Variants in TBCK observed in about 807,000 individuals in gnomAD.
TBCK encodes TBC1 domain containing kinase.
In TBCK, 99 loss-of-function variants were observed where a neutral mutation model predicts 113.4. The observed-to-expected ratio is 0.87, with a 90% CI of 0.74 to 1.03. TBCK has a LOEUF of 1.03. TBCK is among the 50% of genes least tolerant of loss of function. The pLI is 0.00. For missense variants in TBCK, 1,045 were observed against 1,061.3 expected (o/e 0.98, Z 0.21); for synonymous variants, 369 against 370.8 (o/e 1.00, Z 0.05).
intron 3 of TBCK, among the ~76,000 whole-genome samples, chr4:106,286,741 C>T (rs1420862319): frequency 1.3e-5 from 2 of 152,022 alleles, no homozygotes; most frequent in South Asian, 2.1e-4. Context: ...GTGGAAGGAT[C>T]GCTTGAGCCC....
At chr4:106,265,292 A>G (rs1762891624) in intron 3 of TBCK, among the ~76,000 whole-genome samples, 1 of 151,954 alleles carries the variant, frequency 6.6e-6, no homozygotes, top group African/African-American at 2.4e-5. Flanking sequence ...TATGAGGTAC[A>G]TGAGTTTTGA....
intron 20 of TBCK, among the ~76,000 whole-genome samples, chr4:106,197,282 T>G (rs551766111): frequency 3.3e-5 from 5 of 151,136 alleles, no homozygotes; most frequent in Admixed American, 1.3e-4. Context: ...GAGAGATGCA[T>G]AGAGAAAGCT....
intron 23 of TBCK, among the ~76,000 whole-genome samples, chr4:106,128,270 C>G (rs780459080): frequency 6.6e-6 from 1 of 152,152 alleles, no homozygotes; most frequent in Non-Finnish European, 1.5e-5. Flanking sequence ...CATTGTAGAG[C>G]ATACCAGAAG....
chr4:106,061,760 T>C (rs1172077098), intron 25 of TBCK, among the ~76,000 whole-genome samples: 1 of 151,644 alleles, frequency 6.6e-6, no homozygotes, highest in Non-Finnish European at 1.5e-5. Flanking sequence ...CGTTATCCTT[T>C]CCTTAATCAC....
Position 106,116,293 on chromosome 4 carries a change from A to T in TBCK, c.2321T>A (p.Leu774His). 1.9e-6 allele frequency: 3 copies of T among 1,614,048 alleles called. No individual in the cohort carries two copies. Among genetic ancestry groups the T allele is most frequent in the Non-Finnish European group, 1.7e-6 (2 of 1,180,000 alleles). ...TGTTTTGAAGTGGCCTGTCACTGTG[A>T]GCTCACACAAGTCAATCAGGTCCTC... ...SAEDLIDLCE[L>H]TVTGHFKTPS... The change falls in exon 24 of 26, where the codon CTC (leucine) becomes CAC (histidine). Residue 774 changes from leucine to histidine, a missense_variant. Physicochemically the swap from Leu to His is moderately conservative, Grantham distance 99. Transcript: ENST00000394708.
At chr4:106,245,313 A>C (rs1760673809) in intron 10 of TBCK, among the ~76,000 whole-genome samples, 1 of 152,186 alleles carries the variant, frequency 6.6e-6, no homozygotes, top group Non-Finnish European at 1.5e-5. Flanking sequence ...CTGAAATACA[A>C]TGAGCACTGT....
At chr4:106,187,321 C>T (rs934453174) in intron 22 of TBCK, among the ~76,000 whole-genome samples, 1 of 151,906 alleles carries the variant, frequency 6.6e-6, no homozygotes, top group African/African-American at 2.4e-5. Context: ...CTATAAATTC[C>T]TTTGGGCAAT....
At chr4:106,209,577 G>C (rs935709560) in intron 20 of TBCK, among the ~76,000 whole-genome samples, 3 of 152,054 alleles carry the variant, frequency 2.0e-5, no homozygotes, top group Non-Finnish European at 2.9e-5. Flanking sequence ...TATGAAGTTA[G>C]GCTTTCATTT....
chr4:106,277,032 C>T (rs1268257205), intron 3 of TBCK, among the ~76,000 whole-genome samples: 1 of 151,804 alleles, frequency 6.6e-6, no homozygotes, highest in African/African-American at 2.4e-5. Flanking sequence ...CTTAAAATGA[C>T]AAAAAATTGA....
intron 23 of TBCK, among the ~76,000 whole-genome samples, chr4:106,169,080 T>G (rs1345163403): frequency 6.6e-6 from 1 of 152,070 alleles, no homozygotes; most frequent in Non-Finnish European, 1.5e-5. Context: ...TCTGAAGCAC[T>G]TTTGGTCCCA....
rs191974734 is a variant in TBCK at position 106,054,754 on chromosome 4, A to G, written c.2572-8074T>C. Reference sequence around the variant, plus strand: ...CTGTGTGTCAGGCACTATGCTAGGGACTGGTTAAGCTGTTTTACTTCCAGT... The same window carrying G: ...CTGTGTGTCAGGCACTATGCTAGGGGCTGGTTAAGCTGTTTTACTTCCAGT... On this transcript the variant is annotated intron_variant, in intron 25 of 25. Transcript: ENST00000394708. Among the ~76,000 whole-genome samples, 256 of 151,774 alleles carry G rather than the reference A, an allele frequency of 1.7e-3. 2 individuals are homozygous for G. The highest frequency in any genetic ancestry group is 4.1e-3 in the Admixed American group (63 of 15,184).
intron 2 of TBCK, among the ~76,000 whole-genome samples, chr4:106,299,622 T>C (rs1411641893): frequency 6.6e-6 from 1 of 152,180 alleles, no homozygotes; most frequent in East Asian, 1.9e-4. Flanking sequence ...ATGGAGTGTA[T>C]ACCAAAACAA....
chr4:106,093,283 G>C (rs1740519337), intron 25 of TBCK, among the ~76,000 whole-genome samples: 1 of 152,226 alleles, frequency 6.6e-6, no homozygotes, highest in Non-Finnish European at 1.5e-5. Flanking sequence ...GAGGCGGGCA[G>C]ATCACTAGGT....
chr4:106,214,778 T>C (rs1307035194), intron 19 of TBCK, among the ~76,000 whole-genome samples: 1 of 151,588 alleles, frequency 6.6e-6, no homozygotes, highest in Admixed American at 6.6e-5. Flanking sequence ...GGAACCAAGT[T>C]GGAAAACACT....
chr4:106,101,703 T>C (rs1741575469), intron 24 of TBCK, among the ~76,000 whole-genome samples: 1 of 152,212 alleles, frequency 6.6e-6, no homozygotes, highest in African/African-American at 2.4e-5. Context: ...AAGCTCAGCC[T>C]TGAGCAAAAA....
intron 18 of TBCK, 151 bp downstream of exon 18, chr4:106,231,578 A>T: frequency 1.7e-6 from 1 of 582,630 alleles, no homozygotes; most frequent in Non-Finnish European, 2.9e-6. Flanking sequence ...AATCCTTCAC[A>T]TCTCTAAAAT....
rs114680912 is a variant in TBCK, at chr4:106,221,599, G to A, written c.1774+8764C>T. On this transcript the variant is annotated intron_variant, in intron 19 of 25. Transcript: ENST00000394708. ...AAAAAGCTTTTAAAAGCCCCTTGGT[G>A]TAAATTTTTAAAATATCAAAATAAA... 6.9e-3 allele frequency among the ~76,000 whole-genome samples: 1,043 copies of A among 151,604 alleles called. 9 individuals carry two copies. The highest frequency in any genetic ancestry group is 0.024 in the African/African-American group (993 of 41,336).
chr4:106,303,189 A>G (rs1189989965), intron 2 of TBCK, among the ~76,000 whole-genome samples: 1 of 152,204 alleles, frequency 6.6e-6, no homozygotes, highest in Non-Finnish European at 1.5e-5. Flanking sequence ...ATTGGTAAAT[A>G]TATGACATGG....
chr4:106,151,640 T>C (rs1478412190), intron 23 of TBCK, among the ~76,000 whole-genome samples: 1 of 152,058 alleles, frequency 6.6e-6, no homozygotes, highest in Non-Finnish European at 1.5e-5. Context: ...GCCATCAGCA[T>C]TTTAATAGGG....
Sources: allele counts gnomAD v4.1 joint callset (sites outside exome capture counted in the v4.1 genomes callset), GRCh38; gene constraint gnomAD v4.1.1; transcripts MANE v1.5; gene names NCBI Gene and HGNC (gene_info 2026-07-23, HGNC 2026-07-21).